Variants in DNAJB1 observed in about 807,000 individuals in gnomAD.
DNAJB1 encodes the protein dnaJ homolog subfamily B member 1.
A neutral mutation model predicts 24.0 loss-of-function variants in DNAJB1; 14 were observed. That is an observed-to-expected ratio of 0.58 (90% CI 0.39 to 0.91). The LOEUF is 0.91. Among genes scored for constraint, DNAJB1 ranks in the 40% least tolerant of loss-of-function variants. The pLI is 0.00. For missense variants in DNAJB1, 517 were observed against 458.1 expected (o/e 1.13, Z -1.17); for synonymous variants, 262 against 174.4 (o/e 1.50, Z -3.96).
upstream of DNAJB1, among the ~76,000 whole-genome samples, chr19:14,554,316 G>A (rs772111893): frequency 6.6e-4 from 101 of 152,262 alleles, no homozygotes; most frequent in Non-Finnish European, 1.1e-3. Flanking sequence ...GGCAGGTCAC[G>A]TCCTAGGACA....
chr19:14,529,332 A>G (rs953218262), upstream of DNAJB1: 7 of 438,790 alleles, frequency 1.6e-5, no homozygotes, highest in Non-Finnish European at 3.0e-5. Flanking sequence ...CAGCGACGCC[A>G]TCAGGGGGCG....
At chr19:14,539,684 C>CT (rs953547263) in intron 1 of DNAJB1, among the ~76,000 whole-genome samples, 1 of 152,102 alleles carries the variant, frequency 6.6e-6, no homozygotes, top group Admixed American at 6.6e-5. Context: ...TAAGCACATG[C>CT]TATTCCCTCG....
chr19:14,557,779 G>A (rs935214899), intron 1 of DNAJB1, among the ~76,000 whole-genome samples: 4 of 146,696 alleles, frequency 2.7e-5, no homozygotes, highest in Non-Finnish European at 6.0e-5. Flanking sequence ...TTTTTGAGAT[G>A]GAGTCTTGCT....
upstream of DNAJB1, among the ~76,000 whole-genome samples, chr19:14,519,096 G>C (rs971925749): frequency 6.6e-6 from 1 of 152,198 alleles, no homozygotes; most frequent in South Asian, 2.1e-4. Flanking sequence ...GGCCGGGCGC[G>C]GTGGCTCACG....
At chr19:14,534,406 G>T (rs1050244234), upstream of DNAJB1, among the ~76,000 whole-genome samples, 31 of 142,790 alleles carry the variant, frequency 2.2e-4, no homozygotes, top group African/African-American at 8.2e-4. Context: ...TTACAGGAGT[G>T]AGCCACCATG....
chr19:14,521,009 A>G (rs1211213486), upstream of DNAJB1, among the ~76,000 whole-genome samples: 1 of 152,166 alleles, frequency 6.6e-6, no homozygotes, highest in Non-Finnish European at 1.5e-5. Context: ...AAAAAATTAT[A>G]TAAATAACTA....
chr19:14,529,516 G>C (rs762076874), upstream of DNAJB1: 1 of 797,180 alleles, frequency 1.3e-6, no homozygotes, highest in Non-Finnish European at 2.2e-6. Context: ...AGGAGCAGGG[G>C]CGAACGTGGG....
At chr19:14,555,878 G>T (rs543106733) in intron 1 of DNAJB1, among the ~76,000 whole-genome samples, 2 of 152,050 alleles carry the variant, frequency 1.3e-5, no homozygotes, top group African/African-American at 4.8e-5. Context: ...GAGCCACTGC[G>T]CCCAGCCCAC....
intron 1 of DNAJB1, among the ~76,000 whole-genome samples, chr19:14,558,587 G>A (rs936536985): frequency 3.9e-5 from 6 of 152,162 alleles, no homozygotes; most frequent in African/African-American, 1.2e-4. Context: ...AGAGCCACCA[G>A]CCTGTGCCCC....
upstream of DNAJB1, among the ~76,000 whole-genome samples, chr19:14,551,901 C>T (rs898727100): frequency 2.7e-5 from 4 of 148,528 alleles, no homozygotes; most frequent in Admixed American, 2.0e-4. Context: ...TCCTTTCTCT[C>T]TCTCTCTCTC....
At chr19:14,527,165 C>CCTTT (rs2072441201) in intron 2 of DNAJB1, among the ~76,000 whole-genome samples, 1 of 41,306 alleles carries the variant, frequency 2.4e-5, no homozygotes, top group African/African-American at 1.1e-4. Context: ...AATATCTCTG[C>CCTTT]TTTTTTTTTT....
intron 1 of DNAJB1, among the ~76,000 whole-genome samples, chr19:14,535,588 A>ATATATG (rs2072868554): frequency 2.5e-5 from 1 of 40,750 alleles, no homozygotes; most frequent in Non-Finnish European, 5.6e-5. Context: ...ATATATATAT[A>ATATATG]TGTATGTATA....
chr19:14,518,121 C>T lies in DNAJB1; in HGVS notation c.211+18G>A. The T allele has an allele frequency of 6.8e-7, 1 of 1,478,430 alleles. No individual in the cohort carries two copies. The allele number at this position is 1,478,430 out of a possible 1,614,324, so 91.6% of individuals were successfully genotyped here. A position where few individuals can be genotyped will look rare whatever the true frequency, so the allele number is the denominator to read the frequency against. On this transcript the variant is annotated intron_variant, in intron 1 of 2. Coordinates refer to ENST00000254322, the MANE Select transcript of DNAJB1 (RefSeq NM_006145.3). Reference sequence around the variant, plus strand: ...TCTGTCAAAAGGCGGGGCCGCGCCCCTGGCCGCGAGCACACACCTTCCTCC... The same window carrying T: ...TCTGTCAAAAGGCGGGGCCGCGCCCTTGGCCGCGAGCACACACCTTCCTCC...
At chr19:14,550,289 C>T (rs1179246934) in exon 1 of DNAJB1, among the ~76,000 whole-genome samples, 4 of 151,994 alleles carry the variant, frequency 2.6e-5, no homozygotes, top group South Asian at 4.2e-4. Context: ...TGTGAGTGGG[C>T]GGGTGGTGTT....
chr19:14,532,830 C>T (rs917107788), upstream of DNAJB1, among the ~76,000 whole-genome samples: 2 of 152,176 alleles, frequency 1.3e-5, no homozygotes, highest in Non-Finnish European at 2.9e-5. Flanking sequence ...ATATTTCTGG[C>T]CGGGCGAGGT....
intron 2 of DNAJB1, 39 bp from the exon 3 acceptor site, chr19:14,516,209 T>G: frequency 6.2e-7 from 1 of 1,607,676 alleles, no homozygotes. Flanking sequence ...GGAAGCTGGC[T>G]CAAGAGGCTC....
chr19:14,544,722 T>G (rs986107616), intron 1 of DNAJB1, among the ~76,000 whole-genome samples: 1 of 150,422 alleles, frequency 6.6e-6, no homozygotes, highest in African/African-American at 2.4e-5. Context: ...CAACTCCAAC[T>G]CCTGGGTTCA....
intron 1 of DNAJB1, among the ~76,000 whole-genome samples, chr19:14,528,411 T>G (rs1379261499): frequency 6.6e-6 from 1 of 151,898 alleles, no homozygotes; most frequent in Admixed American, 6.6e-5. Flanking sequence ...GGCTAATTTT[T>G]GTATTTTTAG....
chr19:14,540,605 T>G (rs1318776342), intron 1 of DNAJB1, among the ~76,000 whole-genome samples: 1 of 151,788 alleles, frequency 6.6e-6, no homozygotes, highest in Admixed American at 6.6e-5. Context: ...TTGGCCAGGC[T>G]GGTCTTGAAC....
Sources: gnomAD v4.1 joint callset for allele counts (sites outside exome capture counted in the v4.1 genomes callset) on GRCh38, gnomAD v4.1.1 for gene constraint, MANE v1.5 for transcripts, NCBI Gene and HGNC (gene_info 2026-07-23, HGNC 2026-07-21) for gene names.